The following NUS1 variants were observed in gnomAD, a reference collection of about 807,000 sequenced individuals.
The protein encoded by NUS1 is NUS1 dehydrodolichyl diphosphate synthase subunit.
For missense variants in NUS1, 292 were observed against 382.9 expected (o/e 0.76, Z 1.98); for synonymous variants, 135 against 155.2 (o/e 0.87, Z 0.97).
chr6:117,687,510 A>G (rs1484617959), intron 1 of NUS1, among the ~76,000 whole-genome samples: 1 of 152,148 alleles, frequency 6.6e-6, no homozygotes, highest in East Asian at 1.9e-4. Flanking sequence ...CAGAGGAGGA[A>G]TGGGGCACAT....
intron 3 of NUS1, among the ~76,000 whole-genome samples, chr6:117,696,575 T>C (rs1235798429): frequency 1.3e-5 from 2 of 152,120 alleles, no homozygotes; most frequent in Non-Finnish European, 2.9e-5. Context: ...GCAGCAGACT[T>C]TTCAGTAGAA....
intron 3 of NUS1, among the ~76,000 whole-genome samples, chr6:117,702,389 A>C (rs1773423470): frequency 6.6e-6 from 1 of 152,124 alleles, no homozygotes; most frequent in Non-Finnish European, 1.5e-5. Flanking sequence ...AGTTCTCTCC[A>C]GTTGATTGGG....
chr6:117,691,005 T>G (rs900697613), intron 1 of NUS1, among the ~76,000 whole-genome samples: 1 of 137,332 alleles, frequency 7.3e-6, no homozygotes, highest in African/African-American at 2.6e-5. Context: ...AAAAAAAGAT[T>G]ATCATTTTCT....
chr6:117,694,259 A>G, intron 3 of NUS1, 79 bp downstream of exon 3: 1 of 755,904 alleles, frequency 1.3e-6, no homozygotes, highest in Non-Finnish European at 1.9e-6. Context: ...AGGATACAGT[A>G]TGAAAGAAAA....
chr6:117,675,828 G>T lies in NUS1; in HGVS notation c.158G>T (p.Gly53Val). The change falls in exon 1 of 5, where the codon GGC becomes GTC. Residue 53 changes from glycine (G) to valine (V), a missense_variant. By Grantham distance (109) the Gly-to-Val change is moderately radical. Transcript: ENST00000368494. Reference protein sequence around the residue: ...AASAAVLAPLGFTLRKPPAVG... With the variant: ...AASAAVLAPLVFTLRKPPAVG... Reference sequence around the variant, plus strand: ...TCTGCCGCGGTCCTAGCGCCGCTCGGCTTCACGCTCCGCAAGCCCCCGGCA... The same window carrying T: ...TCTGCCGCGGTCCTAGCGCCGCTCGTCTTCACGCTCCGCAAGCCCCCGGCA... 6.5e-7 allele frequency: 1 copy of T among 1,548,214 alleles called. No homozygotes were observed. The highest frequency in any genetic ancestry group is 8.7e-7 in the Non-Finnish European group (1 of 1,147,676).
At chr6:117,706,462 G>A (rs544557321) in intron 4 of NUS1, among the ~76,000 whole-genome samples, 144 of 152,092 alleles carry the variant, frequency 9.5e-4, no homozygotes, top group South Asian at 1.3e-3. Context: ...CTGAGCTTAC[G>A]CTTTAACAAG....
In NUS1 at chr6:117,694,043, A is replaced by G. The variant is rs1474271739; in HGVS notation, c.554A>G (p.His185Arg). The change falls in exon 3 of 5, where the codon CAT becomes CGT. Residue 185 changes from histidine (H) to arginine (R), a missense_variant. Transcript: ENST00000368494. ...TTTTTTCTTCCAGTTTTAAATTGCC[A>G]TTTGGCAGTGAAGGTGCTGTCTCCG... Reference protein sequence around the residue: ...NDKDDQVLNCHLAVKVLSPED... With the variant: ...NDKDDQVLNCRLAVKVLSPED... 9 of 1,603,986 alleles carry G rather than the reference A, an allele frequency of 5.6e-6. No individual in the cohort carries two copies. The highest frequency in any genetic ancestry group is 7.7e-6 in the Non-Finnish European group (9 of 1,175,716).
chr6:117,676,783 G>A (rs1772989854), intron 1 of NUS1, among the ~76,000 whole-genome samples: 1 of 152,168 alleles, frequency 6.6e-6, no homozygotes, highest in Non-Finnish European at 1.5e-5. Context: ...CACAATCTTT[G>A]CCTTTGGTTA....
chr6:117,689,738 A>AT (rs1029569112), intron 1 of NUS1, among the ~76,000 whole-genome samples: 15 of 151,740 alleles, frequency 9.9e-5, no homozygotes, highest in South Asian at 8.4e-4. Flanking sequence ...ATTAAAAAAC[A>AT]TTTTTTTTGT....
intron 3 of NUS1, among the ~76,000 whole-genome samples, chr6:117,697,522 A>G (rs1324383192): frequency 6.6e-6 from 1 of 152,146 alleles, no homozygotes; most frequent in Non-Finnish European, 1.5e-5. Context: ...ATATCAGACA[A>G]AAGATATTTC....
intron 1 of NUS1, among the ~76,000 whole-genome samples, chr6:117,686,616 C>T (rs942809411): frequency 2.0e-5 from 3 of 152,086 alleles, no homozygotes; most frequent in Non-Finnish European, 4.4e-5. Flanking sequence ...CAAGTGTTTT[C>T]CCTTAATCAG....
chr6:117,684,485 T>C (rs1773107599), intron 1 of NUS1, among the ~76,000 whole-genome samples: 1 of 152,248 alleles, frequency 6.6e-6, no homozygotes, highest in African/African-American at 2.4e-5. Context: ...AGCCTCCTAA[T>C]TGATCTCCAT....
At chr6:117,696,495 TA>T (rs201737127) in intron 3 of NUS1, among the ~76,000 whole-genome samples, 16 of 148,304 alleles carry the variant, frequency 1.1e-4, no homozygotes, top group African/African-American at 1.7e-4. Context: ...GTCAAGGATT[TA>T]AAAAAAAAAT....
rs549919852 is a variant in NUS1, at chr6:117,700,908, G to C, written c.692-2697G>C. Among the ~76,000 whole-genome samples the C allele has an allele frequency of 3.3e-5, 5 of 152,024 alleles. No individual in the cohort carries two copies. In the East Asian group the frequency reaches 9.7e-4, roughly 29 times the overall value. ...GTGGGAGCTAAAAATTAAAACAATT[G>C]AACTCATGGAGATAGAGAGTAGAGG... On this transcript the variant is annotated intron_variant, in intron 3 of 4. Transcript: ENST00000368494.
chr6:117,677,375 A>G (rs141098561), intron 1 of NUS1, among the ~76,000 whole-genome samples: 191 of 152,302 alleles, frequency 1.3e-3, no homozygotes, highest in African/African-American at 4.4e-3. Context: ...TAGGTAGGAG[A>G]TAAGTTGAGG....
In NUS1 at chr6:117,676,551, C is replaced by A. The variant is rs537894835; in HGVS notation, c.415+466C>A. Among the ~76,000 whole-genome samples, 11 of 152,292 alleles carry A rather than the reference C, an allele frequency of 7.2e-5. No individual in the cohort carries two copies. The East Asian group carries it at 1.7e-3, about 24-fold the overall frequency. ...CGAGATCGCGCCACTGCACTCCAGC[C>A]TGGGCAACAAGAGCGAAACTCTGTC... On this transcript the variant is annotated intron_variant, in intron 1 of 4. Coordinates refer to ENST00000368494, the MANE Select transcript of NUS1 (RefSeq NM_138459.5).
chr6:117,675,553 G>T lies in NUS1; in HGVS notation c.-118G>T. ...GTGTTGGCAGTGGAAAGGGGTTCGG[G>T]CTCGGGGGGCGGGGGGACGCGGAGC... is the stretch of plus-strand genomic sequence containing the variant. On this transcript the variant is annotated 5_prime_UTR_variant, in exon 1 of 5. Coordinates refer to ENST00000368494, the MANE Select transcript of NUS1 (RefSeq NM_138459.5). The T allele has an allele frequency of 1.8e-6, 2 of 1,093,726 alleles. No homozygotes were observed. Among genetic ancestry groups the T allele is most frequent in the Non-Finnish European group, 2.6e-6 (2 of 768,190 alleles). The allele number at this position is 1,093,726 out of a possible 1,614,324, so 67.8% of individuals were successfully genotyped here.
intron 1 of NUS1, among the ~76,000 whole-genome samples, chr6:117,687,036 A>G (rs572390757): frequency 1.3e-5 from 2 of 152,180 alleles, no homozygotes; most frequent in Non-Finnish European, 2.9e-5. Context: ...ACTCTTAGCA[A>G]TTCTCAGAAA....
intron 1 of NUS1, among the ~76,000 whole-genome samples, chr6:117,685,988 G>A (rs1004944678): frequency 6.2e-5 from 9 of 146,178 alleles, no homozygotes; most frequent in Non-Finnish European, 1.0e-4. Context: ...AGGGCTGGGC[G>A]CCGTGGCTCA....
Sources: allele counts gnomAD v4.1 joint callset (sites outside exome capture counted in the v4.1 genomes callset), GRCh38; gene constraint gnomAD v4.1.1; transcripts MANE v1.5; gene names NCBI Gene and HGNC (gene_info 2026-07-23, HGNC 2026-07-21).